Variants in SPOP observed in about 807,000 individuals in gnomAD.
The protein encoded by SPOP is speckle type BTB/POZ protein.
SPOP carries 11 observed loss-of-function variants against 45.6 expected under a neutral mutation model. The ratio of observed to expected loss-of-function variants is 0.24; its 90% confidence interval spans 0.15 to 0.40. SPOP has a LOEUF of 0.40. SPOP is among the 10% of genes least tolerant of loss of function. The pLI, the probability that SPOP is intolerant of heterozygous loss-of-function variation, is 1.00. For synonymous variants in SPOP, 166 were observed against 166.3 expected, an observed-to-expected ratio of 1.00 and a Z score of 0.01; for missense variants, 152 against 465.6, an observed-to-expected ratio of 0.33 and a Z score of 6.20.
chr17:49,650,445 T>C (rs2143486893), intron 1 of SPOP, among the ~76,000 whole-genome samples: 1 of 152,120 alleles, frequency 6.6e-6, no homozygotes, highest in Non-Finnish European at 1.5e-5. Context: ...CCGGGCATGA[T>C]GGTGCACGCC....
intron 8 of SPOP, among the ~76,000 whole-genome samples, chr17:49,603,841 T>A (rs2071784958): frequency 1.3e-5 from 2 of 152,258 alleles, no homozygotes; most frequent in African/African-American, 4.8e-5. Context: ...GCTTTATCTT[T>A]TAAAACCACA....
chr17:49,621,923 C>A (rs369483243), intron 3 of SPOP, 23 bp downstream of exon 3: 1 of 1,609,988 alleles, frequency 6.2e-7, no homozygotes, highest in African/African-American at 1.3e-5. Flanking sequence ...AAAATTTTTA[C>A]AGTTAGACGT....
chr17:49,662,013 CAAAAAA>C (rs11307294), intron 1 of SPOP, among the ~76,000 whole-genome samples: 3 of 90,064 alleles, frequency 3.3e-5, no homozygotes, highest in Non-Finnish European at 2.2e-5. Flanking sequence ...AACTCCGTCT[CAAAAAA>C]AAAAAAAAAA....
intron 1 of SPOP, among the ~76,000 whole-genome samples, chr17:49,625,736 T>C (rs951802761): frequency 1.3e-5 from 2 of 152,180 alleles, no homozygotes; most frequent in Non-Finnish European, 2.9e-5. Context: ...AAGGTTTATA[T>C]ATTATTTACA....
chr17:49,677,694 G>T (rs556949003), intron 1 of SPOP, among the ~76,000 whole-genome samples: 2 of 152,052 alleles, frequency 1.3e-5, no homozygotes, highest in Non-Finnish European at 2.9e-5. Flanking sequence ...TGATGGGGGG[G>T]CTGAAGGCAG....
At chr17:49,616,340 G>A (rs533024693) in intron 5 of SPOP, among the ~76,000 whole-genome samples, 3 of 152,276 alleles carry the variant, frequency 2.0e-5, no homozygotes, top group South Asian at 2.1e-4. Context: ...GGATGAGAAT[G>A]AGAAGTGCCT....
intron 1 of SPOP, among the ~76,000 whole-genome samples, chr17:49,673,150 C>T (rs2073157623): frequency 6.6e-6 from 1 of 152,090 alleles, no homozygotes; most frequent in Non-Finnish European, 1.5e-5. Flanking sequence ...TAAGGAGATA[C>T]AGCTGAAGTA....
intron 1 of SPOP, among the ~76,000 whole-genome samples, chr17:49,665,755 G>C (rs549068569): frequency 6.6e-6 from 1 of 150,526 alleles, no homozygotes. Flanking sequence ...AGGCTGAGGC[G>C]GGTGGATCAC....
intron 1 of SPOP, among the ~76,000 whole-genome samples, chr17:49,666,448 GACACACACACACACACACACAC>G (rs36210011): frequency 7.0e-6 from 1 of 142,012 alleles, no homozygotes; most frequent in Non-Finnish European, 1.5e-5. Flanking sequence ...CATGAAGACA[GACACACACACACACACACACAC>G]ACACACACAC....
chr17:49,632,638 G>A (rs1003121321), intron 1 of SPOP, among the ~76,000 whole-genome samples: 4 of 151,868 alleles, frequency 2.6e-5, no homozygotes, highest in African/African-American at 9.7e-5. Flanking sequence ...GATTACAGGC[G>A]CCCACCAACA....
intron 1 of SPOP, among the ~76,000 whole-genome samples, chr17:49,652,754 G>A (rs1306211998): frequency 3.9e-5 from 6 of 152,114 alleles, no homozygotes; most frequent in Non-Finnish European, 7.4e-5. Flanking sequence ...AAATCAGGAA[G>A]GGAAACTTTG....
intron 1 of SPOP, among the ~76,000 whole-genome samples, chr17:49,668,628 A>G (rs2073093574): frequency 6.6e-6 from 1 of 152,150 alleles, no homozygotes; most frequent in Non-Finnish European, 1.5e-5. Flanking sequence ...GGCAAATATA[A>G]TAAAATGTTA....
chr17:49,626,357 T>C (rs941861926), intron 1 of SPOP, among the ~76,000 whole-genome samples: 8 of 152,228 alleles, frequency 5.3e-5, no homozygotes, highest in African/African-American at 1.9e-4. Context: ...ATATGTTAAG[T>C]ATTTTTGGAA....
intron 1 of SPOP, among the ~76,000 whole-genome samples, chr17:49,656,163 A>C (rs1281228471): frequency 6.6e-6 from 1 of 152,182 alleles, no homozygotes; most frequent in Admixed American, 6.5e-5. Context: ...GAACTTCAGA[A>C]ACCACCTTGT....
intron 1 of SPOP, among the ~76,000 whole-genome samples, chr17:49,651,799 A>C (rs980513910): frequency 6.6e-6 from 1 of 152,150 alleles, no homozygotes; most frequent in Non-Finnish European, 1.5e-5. Context: ...CAGGCAGATC[A>C]CTTGAGGTCA....
chr17:49,614,193 T>C (rs963044177), intron 5 of SPOP, among the ~76,000 whole-genome samples: 1 of 152,206 alleles, frequency 6.6e-6, no homozygotes, highest in African/African-American at 2.4e-5. Context: ...AGACACTGCC[T>C]ACAAATTATT....
intron 1 of SPOP, among the ~76,000 whole-genome samples, chr17:49,647,670 G>A (rs1030897449): frequency 3.9e-5 from 6 of 152,114 alleles, no homozygotes; most frequent in South Asian, 2.1e-4. Flanking sequence ...TAGCAGAGAC[G>A]GGGTTTCACA....
chr17:49,667,623 G>A (rs1286180674), intron 1 of SPOP, among the ~76,000 whole-genome samples: 1 of 152,160 alleles, frequency 6.6e-6, no homozygotes, highest in African/African-American at 2.4e-5. Flanking sequence ...AGGCTGCAGA[G>A]AGGTTAGCAC....
At position 49,622,826 on chromosome 17, in the gene SPOP, T is replaced by G; in HGVS notation, c.-16A>C. On this transcript the variant is annotated 5_prime_UTR_variant, in exon 2 of 10. Coordinates refer to ENST00000504102, the MANE Select transcript of SPOP (RefSeq NM_001007228.2). ...CCCTTGACATCGCCAGTTTGAAGGT[T>G]AAACGAGATTTCCAAAGTCAGGGGG... 6.2e-7 allele frequency: 1 copy of G among 1,612,246 alleles called. No individual in the cohort carries two copies. Among genetic ancestry groups the G allele is most frequent in the South Asian group, 1.1e-5 (1 of 91,032 alleles).
Sources: allele counts gnomAD v4.1 joint callset (sites outside exome capture counted in the v4.1 genomes callset), GRCh38; gene constraint gnomAD v4.1.1; transcripts MANE v1.5; gene names NCBI Gene and HGNC (gene_info 2026-07-23, HGNC 2026-07-21).